The following GNAZ variants were observed in gnomAD, a reference collection of about 807,000 sequenced individuals.
GNAZ encodes the protein G protein subunit alpha z, also known as guanine nucleotide-binding protein G(z) subunit alpha.
GNAZ carries 3 observed loss-of-function variants against 25.4 expected under a neutral mutation model. The observed-to-expected ratio is 0.12, with a 90% CI of 0.05 to 0.30. The LOEUF is 0.30. Ranked by LOEUF, GNAZ falls within the 10% of genes least tolerant of loss-of-function variation. The probability of loss-of-function intolerance (pLI) is 1.00; values close to 1 mark genes in which losing one functional copy is unlikely to be tolerated. For synonymous variants in GNAZ, 211 were observed against 205.7 expected (o/e 1.03, Z -0.22); for missense variants, 241 against 501.8 (o/e 0.48, Z 4.97).
Position 23,095,419 on chromosome 22 carries a change from G to T in GNAZ, c.-277G>T. 1 of 460,234 alleles carries T rather than the reference G, an allele frequency of 2.2e-6. No homozygotes were observed. Among genetic ancestry groups the T allele is most frequent in the Non-Finnish European group, 3.9e-6 (1 of 256,972 alleles). 28.5% of individuals were successfully genotyped at this position (460,234 alleles called of 1,614,324 possible). On this transcript the variant is annotated 5_prime_UTR_variant, in exon 2 of 3. In the 5' UTR this introduces an upstream ATG that the reference lacks. Transcript: ENST00000615612. ...CGGCTTCCCACCGTCGCCGAGGACA[G>T]GGAATGACTACGGCAAATCAGGCCA...
intron 1 of GNAZ, among the ~76,000 whole-genome samples, chr22:23,081,727 C>A (rs929592231): frequency 1.4e-4 from 20 of 146,696 alleles, no homozygotes; most frequent in Non-Finnish European, 2.2e-4. Context: ...GAGGCTGAGG[C>A]AGGAGAATCA....
At chr22:23,119,675 C>T (rs189483154) in intron 2 of GNAZ, among the ~76,000 whole-genome samples, 1 of 152,358 alleles carries the variant, frequency 6.6e-6, no homozygotes, top group East Asian at 1.9e-4. Flanking sequence ...AAGGCTCAGC[C>T]TGCGTCAGGG....
intron 1 of GNAZ, among the ~76,000 whole-genome samples, chr22:23,084,933 A>G (rs1428258400): frequency 6.6e-6 from 1 of 152,194 alleles, no homozygotes; most frequent in Non-Finnish European, 1.5e-5. Flanking sequence ...TCCAGGTGCC[A>G]TTGCACACTG....
chr22:23,113,971 CCACCAAGGTGT>C (rs1160990293), intron 2 of GNAZ, among the ~76,000 whole-genome samples: 2 of 152,356 alleles, frequency 1.3e-5, no homozygotes, highest in East Asian at 3.9e-4. Flanking sequence ...ACAGGCAGCC[CCACCAAGGTGT>C]CCCCAAGCTT....
chr22:23,090,750 AC>A (rs1346169782), intron 1 of GNAZ, among the ~76,000 whole-genome samples: 1 of 151,278 alleles, frequency 6.6e-6, no homozygotes, highest in African/African-American at 2.4e-5. Context: ...CGCATGTGCC[AC>A]CCCCAACCCT....
At chr22:23,100,146 A>G (rs1391370587) in intron 2 of GNAZ, among the ~76,000 whole-genome samples, 1 of 152,218 alleles carries the variant, frequency 6.6e-6, no homozygotes, top group East Asian at 1.9e-4. Context: ...GGGGCCAAGT[A>G]TGAGGGTGAG....
At chr22:23,106,760 C>G (rs530933995) in intron 2 of GNAZ, among the ~76,000 whole-genome samples, 2 of 152,362 alleles carry the variant, frequency 1.3e-5, no homozygotes, top group Admixed American at 1.3e-4. Context: ...AGCCTCCCAG[C>G]CCGAAGGGGC....
intron 2 of GNAZ, among the ~76,000 whole-genome samples, chr22:23,113,566 C>T (rs1026714395): frequency 6.6e-5 from 10 of 152,262 alleles, no homozygotes; most frequent in African/African-American, 2.4e-4. Flanking sequence ...AAGCTATTTC[C>T]TTTGCGACTG....
intron 2 of GNAZ, among the ~76,000 whole-genome samples, chr22:23,110,007 C>T (rs1601818947): frequency 6.6e-6 from 1 of 152,208 alleles, no homozygotes; most frequent in East Asian, 1.9e-4. Flanking sequence ...GTCAAGGTAG[C>T]ATTGAGGTTT....
At chr22:23,082,520 CGTT>C (rs1555926542) in intron 1 of GNAZ, among the ~76,000 whole-genome samples, 1 of 151,782 alleles carries the variant, frequency 6.6e-6, no homozygotes, top group Non-Finnish European at 1.5e-5. Flanking sequence ...CGCCCGGCCT[CGTT>C]GTGTTTTTTT....
intron 2 of GNAZ, among the ~76,000 whole-genome samples, chr22:23,113,663 C>A (rs1369301078): frequency 1.3e-5 from 2 of 152,234 alleles, no homozygotes; most frequent in African/African-American, 4.8e-5. Flanking sequence ...ACACCACAGG[C>A]CCCTCCACTC....
Position 23,123,516 on chromosome 22 carries a change from G to A in GNAZ, c.*85G>A. On this transcript the variant is annotated 3_prime_UTR_variant, in exon 3 of 3. Coordinates refer to ENST00000615612, the MANE Select transcript of GNAZ (RefSeq NM_002073.4). The stretch of plus-strand genomic sequence containing the variant: ...GCGTGCTAGAGAGGCCCAATCCAGG[G>A]GCAGAAAACAGGGGGCCTAAAGAAT... 1.2e-6 allele frequency: 1 copy of A among 825,336 alleles called. No individual in the cohort carries two copies. The highest frequency in any genetic ancestry group is 1.9e-6 in the Non-Finnish European group (1 of 520,038). 51.1% of individuals were successfully genotyped at this position (825,336 alleles called of 1,614,324 possible).
chr22:23,079,878 C>T (rs1184121634), intron 1 of GNAZ, among the ~76,000 whole-genome samples: 1 of 152,210 alleles, frequency 6.6e-6, no homozygotes, highest in Non-Finnish European at 1.5e-5. Flanking sequence ...GGACACCACT[C>T]ATGCCCCTAG....
intron 1 of GNAZ, among the ~76,000 whole-genome samples, chr22:23,094,285 A>G (rs2069063164): frequency 6.6e-6 from 1 of 152,150 alleles, no homozygotes; most frequent in Non-Finnish European, 1.5e-5. Context: ...CCGGGGAAGA[A>G]GCCTGAGCTT....
intron 1 of GNAZ, among the ~76,000 whole-genome samples, chr22:23,074,886 G>A (rs908791439): frequency 5.9e-5 from 9 of 152,120 alleles, no homozygotes; most frequent in Non-Finnish European, 1.3e-4. Flanking sequence ...AAATTATTAA[G>A]GGCCTGACAT....
chr22:23,104,967 C>T (rs947381193), intron 2 of GNAZ, among the ~76,000 whole-genome samples: 1 of 152,220 alleles, frequency 6.6e-6, no homozygotes, highest in African/African-American at 2.4e-5. Flanking sequence ...GCATGTGGCT[C>T]CCGTCTGGAT....
intron 1 of GNAZ, among the ~76,000 whole-genome samples, chr22:23,091,703 G>A (rs9624022): frequency 0.11 from 17,062 of 152,070 alleles, 2,679 homozygotes; most frequent in African/African-American, 0.35. Context: ...CACACGCACC[G>A]CAATGGACCT....
chr22:23,119,520 TCAGCACCACACTGC>T (rs920344287), intron 2 of GNAZ, among the ~76,000 whole-genome samples: 28 of 152,318 alleles, frequency 1.8e-4, no homozygotes, highest in African/African-American at 6.5e-4. Context: ...TGCTGGTCCA[TCAGCACCACACTGC>T]CAGCACCACA....
At chr22:23,090,336 G>A (rs572126645) in intron 1 of GNAZ, among the ~76,000 whole-genome samples, 11 of 152,172 alleles carry the variant, frequency 7.2e-5, no homozygotes, top group East Asian at 5.8e-4. Flanking sequence ...ACTGTGCACC[G>A]TACAGCTCAC....
Sources: gnomAD v4.1 joint callset for allele counts (sites outside exome capture counted in the v4.1 genomes callset) on GRCh38, gnomAD v4.1.1 for gene constraint, MANE v1.5 for transcripts, NCBI Gene and HGNC (gene_info 2026-07-23, HGNC 2026-07-21) for gene names.